The following OLFML2B variants were observed in gnomAD, a reference collection of about 807,000 sequenced individuals.
OLFML2B encodes the protein olfactomedin-like protein 2B.
In OLFML2B, 57 loss-of-function variants were observed where a neutral mutation model predicts 74.9. That is an observed-to-expected ratio of 0.76 (90% CI 0.61 to 0.95). The LOEUF (loss-of-function observed/expected upper bound fraction) is 0.95, where lower values mean the gene tolerates loss of function less well. Among genes scored for constraint, OLFML2B ranks in the 40% least tolerant of loss-of-function variants. OLFML2B has a pLI of 0.00. For missense variants in OLFML2B, 986 were observed against 970.6 expected (o/e 1.02, Z -0.21); for synonymous variants, 388 against 405.8 (o/e 0.96, Z 0.53).
intron 3 of OLFML2B, among the ~76,000 whole-genome samples, chr1:162,011,857 C>T (rs1690399571): frequency 6.6e-6 from 1 of 152,212 alleles, no homozygotes; most frequent in South Asian, 2.1e-4. Context: ...CTTGCACATC[C>T]TGGCAGCTCT....
chr1:162,023,139 C>G, intron 1 of OLFML2B, 118 bp downstream of exon 1: 2 of 954,536 alleles, frequency 2.1e-6, no homozygotes, highest in Non-Finnish European at 2.9e-6. Context: ...AATCAAAAGC[C>G]CTTTCCATTG....
chr1:162,000,369 C>A, intron 4 of OLFML2B, 31 bp from the exon 5 acceptor site: 1 of 1,593,276 alleles, frequency 6.3e-7, no homozygotes, highest in South Asian at 1.1e-5. Context: ...AAGGGAAGGT[C>A]AGGTCACTGG....
At chr1:162,022,515 C>G (rs908310918) in intron 1 of OLFML2B, among the ~76,000 whole-genome samples, 1 of 152,092 alleles carries the variant, frequency 6.6e-6, no homozygotes, top group African/African-American at 2.4e-5. Context: ...TCCCAAAGTG[C>G]TGGGATTACA....
At position 162,006,416 on chromosome 1, in the gene OLFML2B, T is replaced by C; in HGVS notation, c.604A>G (p.Ile202Val). The C allele has an allele frequency of 1.2e-6, 2 of 1,612,426 alleles. No individual in the cohort carries two copies. The highest frequency in any genetic ancestry group is 1.7e-6 in the Non-Finnish European group (2 of 1,179,576). The change falls in exon 4 of 8, where the codon ATT becomes GTT. Residue 202 changes from isoleucine to valine, a missense_variant. Coordinates refer to ENST00000294794, the MANE Select transcript of OLFML2B (RefSeq NM_015441.3). The part of the protein sequence containing the change: ...NEQIKEDMEE[I>V]RTEMNKRGKE... ...CCTCGCTTATTCATCTCGGTTCGAA[T>C]TTCTTCCATGTCCTCTTTGATTTGT...
At chr1:162,004,525 T>C (rs536904489) in intron 4 of OLFML2B, among the ~76,000 whole-genome samples, 8 of 152,256 alleles carry the variant, frequency 5.3e-5, no homozygotes, top group African/African-American at 1.7e-4. Context: ...GGAGGCACCA[T>C]ATTCTTCTCA....
At chr1:162,010,129 G>C (rs566873417) in intron 3 of OLFML2B, among the ~76,000 whole-genome samples, 1 of 152,348 alleles carries the variant, frequency 6.6e-6, no homozygotes, top group African/African-American at 2.4e-5. Context: ...GAAGGGAAGA[G>C]GGAGAAAGAG....
chr1:162,017,738 C>A (rs1690585472), intron 2 of OLFML2B, among the ~76,000 whole-genome samples: 1 of 152,218 alleles, frequency 6.6e-6, no homozygotes, highest in African/African-American at 2.4e-5. Context: ...CCTACAAGAA[C>A]AAGTAAACCT....
chr1:162,000,142 GA>G lies in OLFML2B; in HGVS notation c.919del (p.Ser307LeufsTer24). 1 of 1,606,278 alleles carries G rather than the reference GA, an allele frequency of 6.2e-7. No individual in the cohort carries two copies. The highest frequency in any genetic ancestry group is 8.5e-7 in the Non-Finnish European group (1 of 1,174,104). ...RGITYYKAKVSEEENDIEEQQ... is the reference protein window; with the variant it reads ...RGITYYKAKVXEEENDIEEQQ... ...CTCTTCAATGTCATTCTCTTCTTCA[GA>G]GACCTTGGCTTTATAGTAGGTGATG... On this transcript the variant is annotated frameshift_variant, in exon 5 of 8. Transcript: ENST00000294794. LOFTEE classifies it high-confidence loss of function.
At chr1:161,987,245 A>G (rs1689616203) in intron 6 of OLFML2B, among the ~76,000 whole-genome samples, 1 of 152,246 alleles carries the variant, frequency 6.6e-6, no homozygotes, top group Admixed American at 6.5e-5. Flanking sequence ...ATGATGTGGT[A>G]GACTGAGTAA....
chr1:162,017,304 G>A, intron 3 of OLFML2B, 96 bp downstream of exon 3: 2 of 859,304 alleles, frequency 2.3e-6, no homozygotes. Context: ...GTTAAGTCTA[G>A]TCAGCACATG....
chr1:162,013,404 T>A (rs190985083), intron 3 of OLFML2B, among the ~76,000 whole-genome samples: 18 of 152,260 alleles, frequency 1.2e-4, no homozygotes, highest in Middle Eastern at 6.8e-3. Context: ...ATTTTTGGAG[T>A]TAAGTTTCTA....
chr1:162,022,397 C>T (rs1221109666), intron 1 of OLFML2B, among the ~76,000 whole-genome samples: 1 of 151,848 alleles, frequency 6.6e-6, no homozygotes, highest in Non-Finnish European at 1.5e-5. Context: ...ACTACAGGTG[C>T]CTGCCACCAC....
At chr1:162,004,255 A>G (rs1690159447) in intron 4 of OLFML2B, among the ~76,000 whole-genome samples, 1 of 152,154 alleles carries the variant, frequency 6.6e-6, no homozygotes, top group Admixed American at 6.5e-5. Flanking sequence ...GTTCCCTTCC[A>G]GCCCAAATGT....
intron 6 of OLFML2B, among the ~76,000 whole-genome samples, chr1:161,988,160 C>T (rs1322702687): frequency 5.9e-5 from 9 of 152,144 alleles, no homozygotes; most frequent in African/African-American, 2.2e-4. Context: ...CCAAGGATGC[C>T]GGTGACACTG....
At chr1:162,008,580 A>T (rs1057480949) in intron 3 of OLFML2B, among the ~76,000 whole-genome samples, 4 of 152,348 alleles carry the variant, frequency 2.6e-5, no homozygotes, top group South Asian at 2.1e-4. Context: ...ATATGCATAG[A>T]TGCTGAGAAA....
intron 7 of OLFML2B, 45 bp downstream of exon 7, chr1:161,984,759 G>C: frequency 1.3e-6 from 2 of 1,584,984 alleles, no homozygotes; most frequent in Non-Finnish European, 1.7e-6. Flanking sequence ...AACAGAGGAC[G>C]TGGGGAAGGG....
Position 162,006,403 on chromosome 1 carries a change from A to G in OLFML2B, c.617T>C (p.Met206Thr), listed in dbSNP as rs777067941. Residue 206 changes from methionine (M) to threonine (T), a missense_variant, in exon 4 of 8, where the codon ATG (methionine) becomes ACG (threonine). By Grantham distance (81) the Met-to-Thr change is moderately conservative (BLOSUM62 -1). Transcript: ENST00000294794. ...KEDMEEIRTE[M>T]NKRGKENCSE... is the part of the protein sequence containing the mutation. Reference sequence around the variant, plus strand: ...GCAATTTTCTTTGCCTCGCTTATTCATCTCGGTTCGAATTTCTTCCATGTC... The same window carrying G: ...GCAATTTTCTTTGCCTCGCTTATTCGTCTCGGTTCGAATTTCTTCCATGTC... The G allele has an allele frequency of 1.2e-5, 19 of 1,608,978 alleles. No individual in the cohort carries two copies. The South Asian group carries it at 1.9e-4, about 16-fold the overall frequency.
chr1:162,014,385 T>C (rs970415204), intron 3 of OLFML2B, among the ~76,000 whole-genome samples: 1 of 152,196 alleles, frequency 6.6e-6, no homozygotes, highest in Non-Finnish European at 1.5e-5. Context: ...TTTCCATTCC[T>C]ACCTCCTCCT....
intron 6 of OLFML2B, among the ~76,000 whole-genome samples, chr1:161,994,247 A>C (rs950411833): frequency 2.6e-5 from 4 of 152,224 alleles, no homozygotes; most frequent in Admixed American, 1.3e-4. Flanking sequence ...AAGCTGTCCC[A>C]GCCCACGTCA....
Sources: gnomAD v4.1 joint callset for allele counts (sites outside exome capture counted in the v4.1 genomes callset) on GRCh38, gnomAD v4.1.1 for gene constraint, MANE v1.5 for transcripts, NCBI Gene and HGNC (gene_info 2026-07-23, HGNC 2026-07-21) for gene names.